Variants in ZNF782 observed in about 807,000 individuals in gnomAD.
ZNF782 encodes zinc finger protein 782.
A neutral mutation model predicts 13.0 loss-of-function variants in ZNF782; 12 were observed. That is an observed-to-expected ratio of 0.92 (90% CI 0.59 to 1.50). The LOEUF (loss-of-function observed/expected upper bound fraction) is 1.50. Among genes scored for constraint, ZNF782 ranks in the 40% most tolerant of loss-of-function variants. ZNF782 has a pLI of 0.00. For missense variants in ZNF782, 770 were observed against 822.9 expected, an observed-to-expected ratio of 0.94 and a Z score of 0.79; for synonymous variants, 284 against 283.0, an observed-to-expected ratio of 1.00 and a Z score of -0.04.
the ZNF782 span, among the ~76,000 whole-genome samples, chr9:96,898,419 TC>T: frequency 1.3e-5 from 2 of 148,254 alleles, no homozygotes; most frequent in Non-Finnish European, 3.0e-5. Flanking sequence ...ACCTTCAATT[TC>T]TGCCTTCTTT....
chr9:96,851,448 C>T (rs1851483963), intron 3 of ZNF782, among the ~76,000 whole-genome samples: 1 of 152,032 alleles, frequency 6.6e-6, no homozygotes, highest in South Asian at 2.1e-4. Flanking sequence ...GAAAAAGTGC[C>T]CCATTTCCTT....
At chr9:96,877,306 G>T (rs1052407607), upstream of ZNF782, among the ~76,000 whole-genome samples, 2 of 152,246 alleles carry the variant, frequency 1.3e-5, no homozygotes, top group African/African-American at 4.8e-5. Context: ...TTTCCTGGGG[G>T]CCGCGGGCGA....
chr9:96,841,681 A>G (rs1851195138), intron 4 of ZNF782, among the ~76,000 whole-genome samples: 1 of 151,944 alleles, frequency 6.6e-6, no homozygotes, highest in African/African-American at 2.4e-5. Flanking sequence ...ATATCCATTC[A>G]TAATCAATAT....
the ZNF782 span, among the ~76,000 whole-genome samples, chr9:96,897,209 C>T: frequency 1.6e-4 from 24 of 152,286 alleles, no homozygotes; most frequent in South Asian, 1.4e-3. Flanking sequence ...CCTGACGCTA[C>T]GGAAGATACC....
the ZNF782 span, among the ~76,000 whole-genome samples, chr9:96,885,143 G>C: frequency 6.6e-6 from 1 of 151,462 alleles, no homozygotes; most frequent in African/African-American, 2.4e-5. Flanking sequence ...AAATCCTACA[G>C]AAACAAGAAA....
chr9:96,903,234 C>A, the ZNF782 span: 5 of 152,202 alleles, frequency 3.3e-5, no homozygotes, highest in Admixed American at 2.6e-4. Flanking sequence ...TAACTCCTGG[C>A]AACCACCGAT....
rs147642220 is a variant in ZNF782 at position 96,850,974 on chromosome 9, AGTATAT to A, written c.15+967_15+972del. 2.5e-4 allele frequency among the ~76,000 whole-genome samples: 38 copies of A among 152,314 alleles called. No homozygotes were observed. The East Asian group carries it at 7.3e-3, about 29-fold the overall frequency. ...AGGCAAGTTGCATCTTCAGTGTTAAAGTATATTAGCACAAGGATGGTAAAGCGGTGT... is the reference window on the plus strand; with the variant it reads ...AGGCAAGTTGCATCTTCAGTGTTAAATAGCACAAGGATGGTAAAGCGGTGT... On this transcript the variant is annotated intron_variant, in intron 3 of 5. Coordinates refer to ENST00000481138, the MANE Select transcript of ZNF782 (RefSeq NM_001001662.3). The surrounding 1 kb of genome is among the most constrained non-coding windows in gnomAD (Gnocchi z 4.3).
the ZNF782 span, among the ~76,000 whole-genome samples, chr9:96,927,964 C>T: frequency 1.4e-5 from 2 of 147,512 alleles, no homozygotes; most frequent in South Asian, 4.3e-4. Flanking sequence ...AATTTTTACC[C>T]CCAAAAAACT....
chr9:96,838,400 G>A lies in ZNF782; in HGVS notation c.142+6490C>T, dbSNP rs150025972. On this transcript the variant is annotated intron_variant, in intron 4 of 5. Transcript: ENST00000481138. ...CAAGTTGGCTGACACTGCTGTTCAG[G>A]TCATTTATATCCTCAGCAATTTTCT... Among the ~76,000 whole-genome samples the A allele has an allele frequency of 5.9e-5, 9 of 152,280 alleles. No individual in the cohort carries two copies. The East Asian group carries it at 1.7e-3, about 29-fold the overall frequency.
At chr9:96,903,944 GCT>G in the ZNF782 span, among the ~76,000 whole-genome samples, 4 of 151,920 alleles carry the variant, frequency 2.6e-5, no homozygotes, top group African/African-American at 9.7e-5. Context: ...TTTATAAAAG[GCT>G]GCCAAGTGTT....
upstream of ZNF782, among the ~76,000 whole-genome samples, chr9:96,876,943 C>CAAAAAAAAAAAAAAAAAAAAAAAA (rs398011569): frequency 9.3e-5 from 4 of 42,818 alleles, no homozygotes; most frequent in African/African-American, 1.7e-4. Flanking sequence ...AACTCCGACT[C>CAAAAAAAAAAAAAAAAAAAAAAAA]AAAAAAAAAA....
the ZNF782 span, among the ~76,000 whole-genome samples, chr9:96,912,398 C>A: frequency 7.1e-6 from 1 of 141,500 alleles, no homozygotes; most frequent in Non-Finnish European, 1.5e-5. Context: ...TAGTGGCGGG[C>A]GCCTGTAATC....
intron 4 of ZNF782, among the ~76,000 whole-genome samples, chr9:96,832,069 C>T (rs1224579893): frequency 6.6e-6 from 1 of 151,924 alleles, no homozygotes; most frequent in East Asian, 1.9e-4. Context: ...CCCTGATCTT[C>T]TCTCTTGAAC....
upstream of ZNF782, among the ~76,000 whole-genome samples, chr9:96,855,517 T>C (rs1478261952): frequency 6.6e-6 from 1 of 152,240 alleles, no homozygotes; most frequent in Non-Finnish European, 1.5e-5. Context: ...GTTTGGTTTT[T>C]CCACTCCTGA....
intron 3 of ZNF782, among the ~76,000 whole-genome samples, chr9:96,846,680 TC>T (rs1184651473): frequency 6.6e-6 from 1 of 151,856 alleles, no homozygotes; most frequent in Non-Finnish European, 1.5e-5. Context: ...ACACTGGAGG[TC>T]CCAGTTTCAC....
At chr9:96,918,171 G>T in the ZNF782 span, among the ~76,000 whole-genome samples, 641 of 151,326 alleles carry the variant, frequency 4.2e-3, 8 homozygotes, top group Middle Eastern at 6.8e-3. Context: ...GGAGGCCGAG[G>T]CAGGTGGATA....
chr9:96,823,942 C>G (rs1055031922), intron 5 of ZNF782, among the ~76,000 whole-genome samples: 5 of 152,102 alleles, frequency 3.3e-5, no homozygotes, highest in Non-Finnish European at 7.4e-5. Context: ...AGTCCAGGAC[C>G]AGACAGATTC....
chr9:96,819,553 T>C lies in ZNF782; in HGVS notation c.470A>G (p.Tyr157Cys), dbSNP rs781320780. The C allele has an allele frequency of 1.9e-6, 3 of 1,612,806 alleles. No individual in the cohort carries two copies. The highest frequency in any genetic ancestry group is 2.2e-5 in the East Asian group (1 of 44,878). The change falls in exon 6 of 6, where the codon TAT (tyrosine) becomes TGT (cysteine). Residue 157 changes from tyrosine to cysteine, a missense_variant. Tyr to Cys is a radical substitution (Grantham distance 194, BLOSUM62 -2). Transcript: ENST00000481138. ...ACGCTCATGAGCCTTTTCTTTTGAATACTGACAGTGTGGGGCCATCAGGCT... is the reference window on the plus strand; with the variant it reads ...ACGCTCATGAGCCTTTTCTTTTGAACACTGACAGTGTGGGGCCATCAGGCT... ...GLSLMAPHCQ[Y>C]SKEKAHERNV...
chr9:96,841,623 C>T (rs1438293686), intron 4 of ZNF782, among the ~76,000 whole-genome samples: 1 of 151,854 alleles, frequency 6.6e-6, no homozygotes, highest in Non-Finnish European at 1.5e-5. Flanking sequence ...TGAAGAAAAA[C>T]CATGTAATCA....
Sources: allele counts gnomAD v4.1 joint callset (sites outside exome capture counted in the v4.1 genomes callset), GRCh38; gene constraint gnomAD v4.1.1; non-coding constraint Gnocchi (gnomAD v3.1); transcripts MANE v1.5; gene names NCBI Gene and HGNC (gene_info 2026-07-23, HGNC 2026-07-21).